The following MTRFR variants were observed in gnomAD, a reference collection of about 807,000 sequenced individuals.
MTRFR encodes mitochondrial translation release factor in rescue.
Under a neutral mutation model 11.9 loss-of-function variants are expected in MTRFR, and 10 were observed. The observed-to-expected ratio is 0.84, with a 90% CI of 0.52 to 1.42. MTRFR has a LOEUF of 1.42. Among genes scored for constraint, MTRFR ranks in the 40% most tolerant of loss-of-function variants. MTRFR has a pLI of 0.00. For synonymous variants in MTRFR, 77 were observed against 79.1 expected (o/e 0.97, Z 0.14); for missense variants, 196 against 197.9 (o/e 0.99, Z 0.06).
chr12:123,254,068 T>G, intron 2 of MTRFR, 112 bp downstream of exon 2: 1 of 1,341,670 alleles, frequency 7.5e-7, no homozygotes, highest in Non-Finnish European at 1.0e-6. Flanking sequence ...TTTTTCTGGC[T>G]TGGGCCACCC....
chr12:123,246,976 G>T (rs1363099799), intron 1 of MTRFR, among the ~76,000 whole-genome samples: 1 of 151,516 alleles, frequency 6.6e-6, no homozygotes, highest in East Asian at 1.9e-4. Context: ...TGATCCACCT[G>T]CCTCGGCCTC....
chr12:123,253,166 C>G (rs923776133), intron 1 of MTRFR, among the ~76,000 whole-genome samples: 38 of 135,894 alleles, frequency 2.8e-4, no homozygotes, highest in African/African-American at 1.0e-3. Context: ...CTCAGCCTCC[C>G]GAGTAGCTGG....
chr12:123,237,734 G>A (rs570671904), intron 1 of MTRFR, among the ~76,000 whole-genome samples: 1 of 152,286 alleles, frequency 6.6e-6, no homozygotes, highest in East Asian at 1.9e-4. Flanking sequence ...AAATGGCATG[G>A]TCTGTTTCAA....
At chr12:123,248,992 C>T (rs939306131) in intron 1 of MTRFR, 1 of 151,028 alleles carries the variant, frequency 6.6e-6, no homozygotes, top group African/African-American at 2.4e-5. Context: ...GATGTGTTTA[C>T]AAACCTTCAG....
chr12:123,254,097 G>A, intron 2 of MTRFR, 141 bp downstream of exon 2: 1 of 966,820 alleles, frequency 1.0e-6, no homozygotes. Flanking sequence ...CCAGGCAGTA[G>A]AGAGCACCGC....
In MTRFR at chr12:123,246,709, A is replaced by ATTT. The variant is rs1157677577; in HGVS notation, c.-28-6901_-28-6899dup. ...TGAGAGAGTGCTTGATATAATTTCA[A>ATTT]TTTTTTTTTTTTTTTTTTTTTTTTT... On this transcript the variant is annotated intron_variant, in intron 1 of 2. Transcript: ENST00000253233. 7.5e-5 allele frequency among the ~76,000 whole-genome samples: 4 copies of ATTT among 53,516 alleles called. 1 individual carries two copies. The highest frequency in any genetic ancestry group is 2.8e-4 in the African/African-American group (3 of 10,668). The allele number at this position is 53,516 out of a possible 152,430, so 35.1% of individuals were successfully genotyped here.
At position 123,257,137 on chromosome 12, in the gene MTRFR, T is replaced by A; in HGVS notation, c.*106T>A. The A allele has an allele frequency of 1.1e-6, 1 of 905,206 alleles. No homozygotes were observed. 56.1% of individuals were successfully genotyped at this position (905,206 alleles called of 1,614,324 possible). A position where few individuals can be genotyped will look rare whatever the true frequency, so the allele number is the denominator to read the frequency against. On this transcript the variant is annotated 3_prime_UTR_variant, in exon 3 of 3. Coordinates refer to ENST00000253233, the MANE Select transcript of MTRFR (RefSeq NM_152269.5). ...TATTATAGTGCTTCAAAAGAAATAT[T>A]TTTGATGAACTTAAAAGACAACAAA... is the stretch of plus-strand genomic sequence containing the variant.
chr12:123,238,014 GCCT>G (rs1268195385), intron 1 of MTRFR, among the ~76,000 whole-genome samples: 3 of 151,814 alleles, frequency 2.0e-5, no homozygotes, highest in African/African-American at 4.8e-5. Context: ...TTCTGCTGCA[GCCT>G]CCCGAGTAGC....
rs547361451 is a variant in MTRFR, at chr12:123,244,803, T to G, written c.-28-8844T>G. 1.7e-4 allele frequency among the ~76,000 whole-genome samples: 26 copies of G among 151,788 alleles called. No individual in the cohort carries two copies. In the South Asian group the frequency reaches 4.8e-3, roughly 28 times the overall value. On this transcript the variant is annotated intron_variant, in intron 1 of 2. Transcript: ENST00000253233. ...GCGTGCCAACACACCTGGCTAATTT[T>G]TGTATTTTTAGTAGAGATGGGGTTT...
rs751583855 is a variant in MTRFR at position 123,257,175 on chromosome 12, G to T, written c.*144G>T. The T allele has an allele frequency of 6.8e-6, 5 of 740,124 alleles. No individual in the cohort carries two copies. Among genetic ancestry groups the T allele is most frequent in the Non-Finnish European group, 9.3e-6 (4 of 428,352 alleles). 45.8% of individuals were successfully genotyped at this position (740,124 alleles called of 1,614,324 possible). A position where few individuals can be genotyped will look rare whatever the true frequency, so the allele number is the denominator to read the frequency against. On this transcript the variant is annotated 3_prime_UTR_variant, in exon 3 of 3. Transcript: ENST00000253233. ...AAAAGACAACAAATTTATTTAAATG[G>T]TGCACTAAACTGTAGTGAACAGAGA...
intron 1 of MTRFR, among the ~76,000 whole-genome samples, chr12:123,235,366 C>G (rs772972466): frequency 6.6e-6 from 1 of 151,922 alleles, no homozygotes; most frequent in Non-Finnish European, 1.5e-5. Context: ...TGAGAGGAGT[C>G]GTCAAATACA....
At chr12:123,254,792 CG>C (rs2048165177) in intron 2 of MTRFR, 1 of 151,980 alleles carries the variant, frequency 6.6e-6, no homozygotes, top group South Asian at 2.1e-4. Context: ...AAAAATTAGC[CG>C]GGTGTGGTGG....
rs1169344401 is a variant in MTRFR, at chr12:123,256,961, G to C, written c.431G>C (p.Arg144Thr). The change falls in exon 3 of 3, where the codon AGA becomes ACA. Residue 144 changes from arginine to threonine, a missense_variant. Transcript: ENST00000253233. Reference protein sequence around the residue: ...AAKKKQERKKRAKETLEKKKL... With the variant: ...AAKKKQERKKTAKETLEKKKL... ...AAGAAAAAACAAGAAAGGAAAAAAA[G>C]AGCAAAGGAAACCCTGGAAAAAAAG... The C allele has an allele frequency of 6.2e-7, 1 of 1,613,506 alleles. No individual in the cohort carries two copies. Among genetic ancestry groups the C allele is most frequent in the African/African-American group, 1.3e-5 (1 of 74,958 alleles).
intron 1 of MTRFR, chr12:123,253,315 G>A (rs1334981824): frequency 3.0e-6 from 1 of 333,888 alleles, no homozygotes; most frequent in Non-Finnish European, 5.8e-6. Context: ...TTGGATTACA[G>A]GTGTGAGCCA....
intron 1 of MTRFR, among the ~76,000 whole-genome samples, chr12:123,242,281 C>T (rs754173267): frequency 6.6e-5 from 10 of 152,140 alleles, no homozygotes; most frequent in Non-Finnish European, 1.5e-4. Flanking sequence ...AGCGCCAGCC[C>T]TACGCCGAAG....
intron 1 of MTRFR, chr12:123,252,067 C>T (rs986793191): frequency 1.3e-5 from 2 of 152,188 alleles, no homozygotes; most frequent in Admixed American, 6.5e-5. Flanking sequence ...CTCTAACTAA[C>T]CTGTAAGCTC....
At position 123,253,635 on chromosome 12, in the gene MTRFR, C is replaced by A; in HGVS notation, c.-28-12C>A. ...CCTCTTACTGAAAGCTCTCCTTATT[C>A]ATCTAACCCAGGTCCTCAGCCAGCA... is the stretch of plus-strand genomic sequence containing the variant. On this transcript the variant is annotated splice_polypyrimidine_tract_variant and intron_variant, in intron 1 of 2. Coordinates refer to ENST00000253233, the MANE Select transcript of MTRFR (RefSeq NM_152269.5). 2 of 1,613,392 alleles carry A rather than the reference C, an allele frequency of 1.2e-6. No individual in the cohort carries two copies. Among genetic ancestry groups the A allele is most frequent in the South Asian group, 2.2e-5 (2 of 90,842 alleles).
intron 1 of MTRFR, 146 bp from the exon 2 acceptor site, chr12:123,253,501 A>G: frequency 2.7e-6 from 2 of 746,256 alleles, no homozygotes; most frequent in South Asian, 3.3e-5. Context: ...TTGCTGAATA[A>G]TGTGTCTCTA....
In MTRFR at chr12:123,257,026, C is replaced by A. The variant is rs755905230; in HGVS notation, c.496C>A (p.His166Asn). The stretch of plus-strand genomic sequence containing the variant: ...ACTGTGGGAGTCAAGTAAAAAGGTC[C>A]ACTGAGAAAAGAATTAGAGATTCCA... ...KELWESSKKVH is the reference protein window; with the variant it reads ...KELWESSKKVN Residue 166 changes from histidine to asparagine, a missense_variant, in exon 3 of 3, where the codon CAC (histidine) becomes AAC (asparagine). By Grantham distance (68) the His-to-Asn change is moderately conservative. Transcript: ENST00000253233. 7 of 1,610,418 alleles carry A rather than the reference C, an allele frequency of 4.3e-6. No homozygotes were observed. The highest frequency in any genetic ancestry group is 5.9e-6 in the Non-Finnish European group (7 of 1,178,066).
Sources: gnomAD v4.1 joint callset for allele counts (sites outside exome capture counted in the v4.1 genomes callset) on GRCh38, gnomAD v4.1.1 for gene constraint, MANE v1.5 for transcripts, NCBI Gene and HGNC (gene_info 2026-07-23, HGNC 2026-07-21) for gene names.